The following ANO3 variants were observed in gnomAD, a reference collection of about 807,000 sequenced individuals.
ANO3 encodes anoctamin-3.
ANO3 carries 99 observed loss-of-function variants against 144.8 expected under a neutral mutation model. The observed-to-expected ratio is 0.68, with a 90% CI of 0.58 to 0.81. ANO3 has a LOEUF of 0.81. ANO3 is among the 30% of genes least tolerant of loss of function. ANO3 has a pLI of 0.00. For synonymous variants in ANO3, 414 were observed against 392.6 expected (o/e 1.05, Z -0.64); for missense variants, 905 against 1,202.2 (o/e 0.75, Z 3.66).
chr11:26,462,995 A>G (rs751386556), intron 3 of ANO3, 35 bp from the exon 4 acceptor site: 1 of 1,128,136 alleles, frequency 8.9e-7, no homozygotes, highest in South Asian at 1.8e-5. Context: ...GAAAAACTAT[A>G]GAAATGGATA....
chr11:26,611,721 A>G (rs1852104356), intron 17 of ANO3, among the ~76,000 whole-genome samples: 1 of 152,098 alleles, frequency 6.6e-6, no homozygotes, highest in Admixed American at 6.5e-5. Context: ...GTTTCCCACA[A>G]TTGTATTGTA....
At chr11:26,389,404 G>C (rs78804415) in intron 1 of ANO3, among the ~76,000 whole-genome samples, 3 of 151,924 alleles carry the variant, frequency 2.0e-5, no homozygotes, top group African/African-American at 7.3e-5. Context: ...TCTAGGCTGA[G>C]TGACTATAAC....
At chr11:26,641,473 A>C (rs565980373) in intron 21 of ANO3, among the ~76,000 whole-genome samples, 9 of 152,306 alleles carry the variant, frequency 5.9e-5, no homozygotes, top group Non-Finnish European at 1.3e-4. Context: ...ATGAGCAATG[A>C]AAGGGTCAGA....
chr11:26,371,249 G>T (rs191826915), intron 1 of ANO3, among the ~76,000 whole-genome samples: 1 of 152,220 alleles, frequency 6.6e-6, no homozygotes, highest in Non-Finnish European at 1.5e-5. Flanking sequence ...GAGTGTGCAA[G>T]CCCCAAGCCT....
intron 1 of ANO3, among the ~76,000 whole-genome samples, chr11:26,418,043 G>C (rs113576774): frequency 5.9e-5 from 9 of 151,980 alleles, no homozygotes; most frequent in African/African-American, 2.2e-4. Context: ...CCATTCTTAG[G>C]GTTTTGAAAT....
At chr11:26,508,310 G>C (rs1861516022) in intron 5 of ANO3, 48 bp downstream of exon 5, 1 of 1,508,416 alleles carries the variant, frequency 6.6e-7, no homozygotes, top group Admixed American at 2.5e-5. Context: ...TGTTGGAACA[G>C]ATATAATCAC....
chr11:26,445,268 A>T (rs913897575), intron 3 of ANO3, among the ~76,000 whole-genome samples: 1 of 152,214 alleles, frequency 6.6e-6, no homozygotes, highest in African/African-American at 2.4e-5. Flanking sequence ...ACAAAAAACA[A>T]ACCTGAAGTT....
intron 11 of ANO3, among the ~76,000 whole-genome samples, chr11:26,545,701 A>G (rs2663165): frequency 0.71 from 107,054 of 150,568 alleles, 38,357 homozygotes; most frequent in East Asian, 0.84. Context: ...ATATGACACA[A>G]GGCACAAATA....
chr11:26,488,480 G>A (rs1219367403), intron 4 of ANO3, among the ~76,000 whole-genome samples: 2 of 152,164 alleles, frequency 1.3e-5, no homozygotes, highest in Admixed American at 6.5e-5. Context: ...TGTGGTGAGT[G>A]TTACAGCTCT....
chr11:26,209,015 C>A (rs902829052), intron 1 of ANO3, among the ~76,000 whole-genome samples: 26 of 151,804 alleles, frequency 1.7e-4, no homozygotes, highest in Non-Finnish European at 3.1e-4. Context: ...TAAAATTATA[C>A]TTAAAGTTCT....
chr11:26,525,360 C>A (rs1052612362), intron 6 of ANO3, among the ~76,000 whole-genome samples: 2 of 151,658 alleles, frequency 1.3e-5, no homozygotes, highest in Non-Finnish European at 2.9e-5. Context: ...AGAAGACAGA[C>A]TTTCAATAAA....
chr11:26,213,608 C>T (rs1417892859), intron 1 of ANO3, among the ~76,000 whole-genome samples: 1 of 152,138 alleles, frequency 6.6e-6, no homozygotes, highest in East Asian at 1.9e-4. Flanking sequence ...CTACAAACCA[C>T]TGCTCAAGGA....
At chr11:26,456,288 A>G (rs180796409) in intron 3 of ANO3, among the ~76,000 whole-genome samples, 2,948 of 152,284 alleles carry the variant, frequency 0.019, 46 homozygotes, top group Middle Eastern at 0.058. Flanking sequence ...TGAACAGGCA[A>G]CCTACAAAAT....
chr11:26,422,197 G>C (rs1043687913), intron 1 of ANO3, among the ~76,000 whole-genome samples: 5 of 152,006 alleles, frequency 3.3e-5, no homozygotes, highest in Non-Finnish European at 7.4e-5. Context: ...ATTTTACTAA[G>C]AGGGGACATC....
intron 17 of ANO3, among the ~76,000 whole-genome samples, chr11:26,617,156 A>G (rs1268037067): frequency 6.6e-6 from 1 of 152,188 alleles, no homozygotes; most frequent in Non-Finnish European, 1.5e-5. Context: ...CCAGTTTTAT[A>G]TTATTCCAGT....
At chr11:26,565,665 G>T in intron 14 of ANO3, 1 of 1,606,978 alleles carries the variant, frequency 6.2e-7, no homozygotes, top group South Asian at 1.1e-5. Flanking sequence ...CTTGAGATTT[G>T]AGGTGGTTAT....
At chr11:26,539,028 C>G (rs548014974) in intron 10 of ANO3, among the ~76,000 whole-genome samples, 1 of 151,520 alleles carries the variant, frequency 6.6e-6, no homozygotes, top group Non-Finnish European at 1.5e-5. Flanking sequence ...TACCAGTGGT[C>G]GAGGTTTGTT....
At chr11:26,210,637 T>C (rs1182730415) in intron 1 of ANO3, among the ~76,000 whole-genome samples, 1 of 152,174 alleles carries the variant, frequency 6.6e-6, no homozygotes, top group Non-Finnish European at 1.5e-5. Flanking sequence ...TTTGCATTTG[T>C]TTGTGTCCTC....
intron 14 of ANO3, among the ~76,000 whole-genome samples, chr11:26,587,292 T>A (rs293989): frequency 0.54 from 82,760 of 151,986 alleles, 23,237 homozygotes; most frequent in South Asian, 0.75. Context: ...AACTAAGCAC[T>A]TTTTATGTTT....
Sources: gnomAD v4.1 joint callset for allele counts (sites outside exome capture counted in the v4.1 genomes callset) on GRCh38, gnomAD v4.1.1 for gene constraint, MANE v1.5 for transcripts, NCBI Gene and HGNC (gene_info 2026-07-23, HGNC 2026-07-21) for gene names.